EBF3: variants seen among roughly 807,000 people sequenced by gnomAD.
EBF3 encodes transcription factor COE3.
A neutral mutation model predicts 77.1 loss-of-function variants in EBF3; 18 were observed. The ratio of observed to expected loss-of-function variants is 0.23; its 90% CI spans 0.16 to 0.35. The LOEUF (loss-of-function observed/expected upper bound fraction) is 0.35. EBF3 is among the 10% of genes least tolerant of loss of function. The probability of loss-of-function intolerance (pLI) is 1.00; values close to 1 mark genes in which losing one functional copy is unlikely to be tolerated. For missense variants in EBF3, 558 were observed against 860.0 expected (o/e 0.65, Z 4.39); for synonymous variants, 350 against 343.5 (o/e 1.02, Z -0.21).
chr10:129,939,507 T>C (rs2134475164), intron 6 of EBF3, among the ~76,000 whole-genome samples: 1 of 152,304 alleles, frequency 6.6e-6, no homozygotes, highest in Admixed American at 6.5e-5. Flanking sequence ...GACTTGGGGT[T>C]TTTGTTTTTG....
intron 6 of EBF3, among the ~76,000 whole-genome samples, chr10:129,953,613 C>T (rs1858830831): frequency 6.6e-6 from 1 of 152,322 alleles, no homozygotes; most frequent in Middle Eastern, 3.4e-3. Context: ...CATCTGGAAC[C>T]GCCCCGCCGA....
chr10:129,949,540 G>A (rs1212232610), intron 6 of EBF3, among the ~76,000 whole-genome samples: 3 of 152,144 alleles, frequency 2.0e-5, no homozygotes, highest in Non-Finnish European at 4.4e-5. Context: ...CCCCATCACT[G>A]CCCAGAGTTG....
intron 11 of EBF3, chr10:129,845,567 C>A (rs1223287036): frequency 6.6e-6 from 1 of 152,122 alleles, no homozygotes; most frequent in Non-Finnish European, 1.5e-5. Context: ...GGTGACGTTG[C>A]TTCAGGTGCT....
intron 6 of EBF3, among the ~76,000 whole-genome samples, chr10:129,918,552 C>G (rs1398194829): frequency 2.6e-5 from 4 of 152,214 alleles, no homozygotes; most frequent in African/African-American, 7.2e-5. Flanking sequence ...CAGGCCTGCC[C>G]TCCTCCGCAC....
At chr10:129,851,227 G>A (rs1366700753) in intron 10 of EBF3, among the ~76,000 whole-genome samples, 1 of 152,198 alleles carries the variant, frequency 6.6e-6, no homozygotes, top group East Asian at 1.9e-4. Context: ...TCCCAATTTT[G>A]CTTACTGACC....
chr10:129,959,665 C>T (rs1205985248), intron 4 of EBF3, among the ~76,000 whole-genome samples: 2 of 151,900 alleles, frequency 1.3e-5, no homozygotes, highest in Non-Finnish European at 2.9e-5. Flanking sequence ...GCCGCCGTCC[C>T]GAGCTCCCGG....
intron 6 of EBF3, among the ~76,000 whole-genome samples, chr10:129,917,892 G>T (rs115906475): frequency 0.019 from 2,955 of 152,184 alleles, 101 homozygotes; most frequent in African/African-American, 0.067. Flanking sequence ...AGCAGATAAG[G>T]TGTAATTAGT....
chr10:129,908,041 C>G (rs1284680694), intron 6 of EBF3, among the ~76,000 whole-genome samples: 1 of 152,194 alleles, frequency 6.6e-6, no homozygotes, highest in African/African-American at 2.4e-5. Flanking sequence ...CCTGCCATTT[C>G]TCCTCTGATA....
Position 129,879,282 on chromosome 10 carries a change from T to C in EBF3, c.555-1433A>G, listed in dbSNP as rs1853028888. 1.3e-5 allele frequency among the ~76,000 whole-genome samples: 2 copies of C among 152,210 alleles called. 1 individual carries two copies. The highest frequency in any genetic ancestry group is 4.1e-4 in the South Asian group (2 of 4,822). ...GGTCTGTGCTGAAACACCCACTCTC[T>C]GCACGTGGCCAAGCATCCTGTCCAG... On this transcript the variant is annotated intron_variant, in intron 6 of 16. Coordinates refer to ENST00000440978, the MANE Select transcript of EBF3 (RefSeq NM_001375380.1). This position sits in a 1 kb window ranked among gnomAD's most constrained non-coding sequence, Gnocchi z 4.7.
At chr10:129,890,120 C>A (rs544678143) in intron 6 of EBF3, among the ~76,000 whole-genome samples, 1 of 152,114 alleles carries the variant, frequency 6.6e-6, no homozygotes, top group Non-Finnish European at 1.5e-5. Context: ...GCCAACCAAT[C>A]AGGGAGGTCT....
chr10:129,886,012 G>A (rs1411391765), intron 6 of EBF3, among the ~76,000 whole-genome samples: 2 of 151,368 alleles, frequency 1.3e-5, no homozygotes, highest in Non-Finnish European at 2.9e-5. Flanking sequence ...TGTGGGTGAG[G>A]GGGTGTTGTT....
chr10:129,943,500 T>C lies in EBF3; in HGVS notation c.554+13758A>G, dbSNP rs1857940266. ...TATATAACTGTAAACTTCTGGAGGT[T>C]AGAGATTGGATAATTTCTTTCAGCT... On this transcript the variant is annotated intron_variant, in intron 6 of 16. Coordinates refer to ENST00000440978, the MANE Select transcript of EBF3 (RefSeq NM_001375380.1). The surrounding 1 kb of genome is among the most constrained non-coding windows in gnomAD (Gnocchi z 8.8). Among the ~76,000 whole-genome samples the C allele has an allele frequency of 6.6e-6, 1 of 152,176 alleles. No individual in the cohort carries two copies. The highest frequency in any genetic ancestry group is 2.4e-5 in the African/African-American group (1 of 41,426).
intron 6 of EBF3, among the ~76,000 whole-genome samples, chr10:129,910,086 C>T (rs1483334565): frequency 1.3e-5 from 2 of 152,192 alleles, no homozygotes; most frequent in East Asian, 3.9e-4. Flanking sequence ...AGGCCGTCAG[C>T]AGTGCCGCGC....
At chr10:129,850,204 C>T (rs148867585) in intron 10 of EBF3, among the ~76,000 whole-genome samples, 46 of 152,334 alleles carry the variant, frequency 3.0e-4, no homozygotes, top group African/African-American at 1.1e-3. Flanking sequence ...CTTAATGAAT[C>T]GGCCTGATGA....
At chr10:129,942,386 A>G (rs924407021) in intron 6 of EBF3, among the ~76,000 whole-genome samples, 2 of 152,224 alleles carry the variant, frequency 1.3e-5, no homozygotes, top group African/African-American at 2.4e-5. Flanking sequence ...CTGAATACTG[A>G]CGCTGGGGGA....
intron 7 of EBF3, 126 bp from the exon 8 acceptor site, chr10:129,873,722 T>C (rs1182760265): frequency 5.7e-6 from 6 of 1,046,176 alleles, no homozygotes; most frequent in Non-Finnish European, 6.3e-6. Context: ...CTGGACACTG[T>C]TGATCGATGT....
intron 4 of EBF3, among the ~76,000 whole-genome samples, chr10:129,961,231 G>A (rs1209662608): frequency 1.3e-5 from 2 of 152,222 alleles, no homozygotes; most frequent in African/African-American, 4.8e-5. Flanking sequence ...TTCTAAGTGT[G>A]AAGTCCAGCT....
intron 6 of EBF3, among the ~76,000 whole-genome samples, chr10:129,939,296 G>A (rs1857567429): frequency 6.6e-6 from 1 of 152,120 alleles, no homozygotes; most frequent in African/African-American, 2.4e-5. Context: ...AAAGTATCCT[G>A]CCACTTCTCA....
At chr10:129,840,757 A>G in intron 14 of EBF3, 87 bp downstream of exon 14, 2 of 1,515,034 alleles carry the variant, frequency 1.3e-6, no homozygotes, top group Non-Finnish European at 8.9e-7. Flanking sequence ...AGTAGCTCAC[A>G]TCACAGAACA....
Sources: allele counts gnomAD v4.1 joint callset (sites outside exome capture counted in the v4.1 genomes callset), GRCh38; gene constraint gnomAD v4.1.1; non-coding constraint Gnocchi (gnomAD v3.1); transcripts MANE v1.5; gene names NCBI Gene and HGNC (gene_info 2026-07-23, HGNC 2026-07-21).